Variants in RELCH observed in about 807,000 individuals in gnomAD.
RELCH encodes RAB11 binding and LisH domain, coiled-coil and HEAT repeat containing, also known as RAB11-binding protein RELCH.
Under a neutral mutation model 150.3 loss-of-function variants are expected in RELCH, and 41 were observed. That is an observed-to-expected ratio of 0.27 (90% confidence interval 0.21 to 0.35). The LOEUF is 0.35. Ranked by LOEUF, RELCH falls within the 10% of genes least tolerant of loss-of-function variation. The probability of loss-of-function intolerance (pLI) is 1.00; values close to 1 mark genes in which losing one functional copy is unlikely to be tolerated. For synonymous variants in RELCH, 478 were observed against 531.8 expected (o/e 0.90, Z 1.39); for missense variants, 1,092 against 1,467.8 (o/e 0.74, Z 4.18).
intron 9 of RELCH, among the ~76,000 whole-genome samples, chr18:62,231,897 C>T (rs2041603446): frequency 6.6e-6 from 1 of 151,972 alleles, no homozygotes; most frequent in South Asian, 2.1e-4. Context: ...CATTATAAGA[C>T]TGGATCACCT....
At chr18:62,300,894 T>A (rs996074192) in intron 28 of RELCH, 1 of 152,226 alleles carries the variant, frequency 6.6e-6, no homozygotes, top group African/African-American at 2.4e-5. Context: ...GGTACCCTTC[T>A]TATATTCATT....
At chr18:62,242,312 A>T (rs1486239617) in intron 10 of RELCH, among the ~76,000 whole-genome samples, 1 of 152,158 alleles carries the variant, frequency 6.6e-6, no homozygotes, top group East Asian at 1.9e-4. Flanking sequence ...AAAGTCCTAA[A>T]TTCACAGAAA....
intron 19 of RELCH, among the ~76,000 whole-genome samples, chr18:62,267,518 G>A (rs865908594): frequency 3.3e-5 from 4 of 122,112 alleles, no homozygotes; most frequent in South Asian, 5.8e-4. Flanking sequence ...GTGTGTGTGT[G>A]TATACATATA....
At chr18:62,284,333 A>G (rs138633791) in intron 25 of RELCH, 1 of 152,356 alleles carries the variant, frequency 6.6e-6, no homozygotes, top group East Asian at 1.9e-4. Context: ...CCAAATAACA[A>G]TTAAAGGTTG....
intron 15 of RELCH, among the ~76,000 whole-genome samples, chr18:62,260,761 C>T (rs1355389368): frequency 2.0e-5 from 3 of 151,812 alleles, no homozygotes; most frequent in African/African-American, 4.8e-5. Flanking sequence ...GCTATCCTGT[C>T]GTTTGCTGCA....
At position 62,227,339 on chromosome 18, in the gene RELCH, C is replaced by T; in HGVS notation, c.909C>T (p.Asp303=). The change falls in exon 6 of 29, where the codon GAC becomes GAT. Residue 303 remains aspartate, a synonymous_variant. Coordinates refer to ENST00000644646, the MANE Select transcript of RELCH (RefSeq NM_001346231.2). ...GATTAAACATTCCAAAACCTCCAGA[C>T]TTATTGCAACTCTACCGGGATTTTG... ...DVGLNIPKPP[D]LLQLYRDFGN... The T allele has an allele frequency of 6.2e-7, 1 of 1,611,678 alleles. No homozygotes were observed.
chr18:62,225,193 CT>C (rs1431918737), intron 5 of RELCH, among the ~76,000 whole-genome samples: 1 of 151,362 alleles, frequency 6.6e-6, no homozygotes, highest in Admixed American at 6.6e-5. Context: ...CAAAAATTAA[CT>C]CAAAATGGAG....
In RELCH at chr18:62,291,652, G is replaced by A. The variant is rs773378429; in HGVS notation, c.3459+21G>A. On this transcript the variant is annotated intron_variant, in intron 27 of 28. Transcript: ENST00000644646. ...ATGAGGTGAGCCACTGTGATTACCAGTGCCATATTCATGTTTTAATACCTC... is the reference window on the plus strand; with the variant it reads ...ATGAGGTGAGCCACTGTGATTACCAATGCCATATTCATGTTTTAATACCTC... The A allele has an allele frequency of 2.7e-6, 4 of 1,497,672 alleles. No individual in the cohort carries two copies. The South Asian group carries it at 4.6e-5, about 17-fold the overall frequency. The allele number at this position is 1,497,672 out of a possible 1,614,324, so 92.8% of individuals were successfully genotyped here. A position where few individuals can be genotyped will look rare whatever the true frequency, so the allele number is the denominator to read the frequency against.
chr18:62,190,282 A>T (rs1210722947), intron 1 of RELCH, among the ~76,000 whole-genome samples: 1 of 152,246 alleles, frequency 6.6e-6, no homozygotes, highest in Non-Finnish European at 1.5e-5. Context: ...TACCACAATT[A>T]AAATACAGAA....
chr18:62,195,229 A>G (rs996040756), intron 1 of RELCH, among the ~76,000 whole-genome samples: 1 of 151,968 alleles, frequency 6.6e-6, no homozygotes. Flanking sequence ...TACATGATGA[A>G]CCAATTAGAT....
intron 23 of RELCH, 183 bp from the exon 24 acceptor site, chr18:62,280,463 C>A: frequency 6.3e-7 from 1 of 1,599,736 alleles, no homozygotes; most frequent in Non-Finnish European, 8.6e-7. Context: ...CAGACTGCGA[C>A]CTTAAGTTAT....
intron 8 of RELCH, 131 bp downstream of exon 8, chr18:62,228,729 A>G (rs982275260): frequency 9.2e-6 from 6 of 651,314 alleles, no homozygotes; most frequent in Admixed American, 6.8e-5. Flanking sequence ...TTTGACATGA[A>G]CTTAACACAT....
chr18:62,264,672 A>G, intron 17 of RELCH, 57 bp from the exon 18 acceptor site: 1 of 1,328,424 alleles, frequency 7.5e-7, no homozygotes, highest in Non-Finnish European at 1.0e-6. Flanking sequence ...AGAAATTGGC[A>G]AGGAAACAGT....
intron 10 of RELCH, among the ~76,000 whole-genome samples, chr18:62,237,163 A>T (rs1034968246): frequency 6.6e-6 from 1 of 151,768 alleles, no homozygotes; most frequent in African/African-American, 2.4e-5. Context: ...ATTTTATATG[A>T]CTTTGATCTT....
At chr18:62,285,962 TC>T (rs1278708512) in intron 25 of RELCH, 4 of 152,190 alleles carry the variant, frequency 2.6e-5, no homozygotes, top group African/African-American at 9.7e-5. Context: ...CTGTCTGTCT[TC>T]CTGAGAATTA....
Position 62,258,556 on chromosome 18 carries a change from A to G in RELCH, c.2082A>G (p.Arg694=), listed in dbSNP as rs759626511. 1 of 1,607,486 alleles carries G rather than the reference A, an allele frequency of 6.2e-7. No individual in the cohort carries two copies. The highest frequency in any genetic ancestry group is 1.1e-5 in the South Asian group (1 of 89,750). The change falls in exon 15 of 29, where the codon AGA becomes AGG. Residue 694 remains arginine, a synonymous_variant. Coordinates refer to ENST00000644646, the MANE Select transcript of RELCH (RefSeq NM_001346231.2). ...CAGCCTTGGGTGATCCCTCAGAAAG[A>G]GTAGTTAGTGCTACACATCAAGTAT... The part of the protein sequence containing the change: ...LLSALGDPSE[R]VVSATHQVFL...
chr18:62,265,682 T>C (rs1015473520), intron 18 of RELCH, among the ~76,000 whole-genome samples: 1 of 152,018 alleles, frequency 6.6e-6, no homozygotes, highest in Non-Finnish European at 1.5e-5. Flanking sequence ...TGGGTTATGG[T>C]CCTATTATCT....
At chr18:62,212,061 C>T (rs1013620905) in intron 2 of RELCH, among the ~76,000 whole-genome samples, 16 of 152,214 alleles carry the variant, frequency 1.1e-4, no homozygotes, top group Non-Finnish European at 2.2e-4. Context: ...CATCCTCTCT[C>T]CCATACCAGT....
intron 2 of RELCH, among the ~76,000 whole-genome samples, chr18:62,215,826 A>G (rs1370166563): frequency 2.0e-5 from 3 of 152,122 alleles, no homozygotes; most frequent in African/African-American, 4.8e-5. Context: ...ACCCATCTGT[A>G]TATTCATGTG....
Sources: allele counts gnomAD v4.1 joint callset (sites outside exome capture counted in the v4.1 genomes callset), GRCh38; gene constraint gnomAD v4.1.1; transcripts MANE v1.5; gene names NCBI Gene and HGNC (gene_info 2026-07-23, HGNC 2026-07-21).